WAPL: variants seen among roughly 807,000 people sequenced by gnomAD.
WAPL encodes the protein WAPL cohesin release factor, also known as wings apart-like protein homolog.
Under a neutral mutation model 121.0 loss-of-function variants are expected in WAPL, and 5 were observed. That is an observed-to-expected ratio of 0.04 (90% CI 0.02 to 0.09). The LOEUF (loss-of-function observed/expected upper bound fraction) is 0.09. Ranked by LOEUF, WAPL falls within the 10% of genes least tolerant of loss-of-function variation. WAPL has a pLI of 1.00. For synonymous variants in WAPL, 480 were observed against 481.5 expected (o/e 1.00, Z 0.04); for missense variants, 999 against 1,410.8 (o/e 0.71, Z 4.68).
At chr10:86,504,955 TAA>T (rs1460480532) in intron 2 of WAPL, among the ~76,000 whole-genome samples, 2 of 152,168 alleles carry the variant, frequency 1.3e-5, no homozygotes, top group African/African-American at 4.8e-5. Context: ...ACTCATCTCT[TAA>T]AAGATACATT....
At chr10:86,461,435 T>A in intron 9 of WAPL, 148 bp from the exon 10 acceptor site, 1 of 617,786 alleles carries the variant, frequency 1.6e-6, no homozygotes, top group Non-Finnish European at 2.8e-6. Flanking sequence ...TTTATCAGAA[T>A]AGTCCACATT....
chr10:86,497,835 A>G (rs1842179211), intron 3 of WAPL, among the ~76,000 whole-genome samples: 1 of 152,240 alleles, frequency 6.6e-6, no homozygotes, highest in Non-Finnish European at 1.5e-5. Context: ...GAGATTTAAA[A>G]TGACCTAATA....
intron 4 of WAPL, among the ~76,000 whole-genome samples, chr10:86,484,250 C>T (rs894322793): frequency 4.6e-5 from 7 of 152,154 alleles, no homozygotes; most frequent in Non-Finnish European, 8.8e-5. Flanking sequence ...AATCCCAACA[C>T]TTTGGGAGGC....
chr10:86,449,827 C>T (rs1840931540), intron 15 of WAPL, among the ~76,000 whole-genome samples: 1 of 152,066 alleles, frequency 6.6e-6, no homozygotes, highest in East Asian at 1.9e-4. Context: ...ATAGAAAACA[C>T]GTTGGTGGTA....
chr10:86,498,536 T>A (rs1255084646), intron 3 of WAPL, among the ~76,000 whole-genome samples: 1 of 152,214 alleles, frequency 6.6e-6, no homozygotes, highest in East Asian at 1.9e-4. Context: ...TGACTTATAT[T>A]CTACAAGAGA....
Position 86,508,277 on chromosome 10 carries a change from G to C in WAPL, c.500-7534C>G, listed in dbSNP as rs867706255. Among the ~76,000 whole-genome samples the C allele has an allele frequency of 5.3e-5, 8 of 151,994 alleles. No individual in the cohort carries two copies. In the South Asian group the frequency reaches 1.5e-3, roughly 28 times the overall value. The stretch of plus-strand genomic sequence containing the variant: ...TAATAACCTCTTTGGTCATTTTATG[G>C]GATAAGGGAAAACACACTTTTAGCT... On this transcript the variant is annotated intron_variant, in intron 2 of 18. Transcript: ENST00000298767.
chr10:86,514,431 G>T (rs1410866306), intron 2 of WAPL, among the ~76,000 whole-genome samples: 1 of 152,050 alleles, frequency 6.6e-6, no homozygotes, highest in African/African-American at 2.4e-5. Context: ...CAAGGGAGAG[G>T]AGAAAAAAAG....
intron 9 of WAPL, among the ~76,000 whole-genome samples, chr10:86,466,432 T>C (rs1252455279): frequency 1.3e-5 from 2 of 152,016 alleles, no homozygotes; most frequent in East Asian, 3.9e-4. Flanking sequence ...TAGCCAGATA[T>C]GGTGGCATAC....
chr10:86,521,787 C>A lies in WAPL; in HGVS notation c.-445G>T, dbSNP rs920030216. 18 of 436,150 alleles carry A rather than the reference C, an allele frequency of 4.1e-5. No individual in the cohort carries two copies. The highest frequency in any genetic ancestry group is 1.8e-4 in the Admixed American group (7 of 38,500). 27.0% of individuals were successfully genotyped at this position (436,150 alleles called of 1,614,324 possible). Reference sequence around the variant, plus strand: ...TCCTTCCTCCAACAGCCGCTCGCTCCGTCACTCCGCTTCCCACAGTCCCCG... The same window carrying A: ...TCCTTCCTCCAACAGCCGCTCGCTCAGTCACTCCGCTTCCCACAGTCCCCG... On this transcript the variant is annotated 5_prime_UTR_variant, in exon 1 of 19. Coordinates refer to ENST00000298767, the MANE Select transcript of WAPL (RefSeq NM_015045.5).
At chr10:86,483,701 G>A (rs1376340745) in intron 4 of WAPL, among the ~76,000 whole-genome samples, 1 of 150,012 alleles carries the variant, frequency 6.7e-6, no homozygotes, top group Non-Finnish European at 1.5e-5. Flanking sequence ...AGATGTGGAG[G>A]TGGAAGACTG....
intron 15 of WAPL, among the ~76,000 whole-genome samples, chr10:86,447,500 T>C (rs894229944): frequency 2.0e-5 from 3 of 151,982 alleles, no homozygotes; most frequent in East Asian, 1.9e-4. Flanking sequence ...TCTGGACATA[T>C]ACAAAATGCC....
At chr10:86,495,836 C>T (rs75770000) in intron 4 of WAPL, among the ~76,000 whole-genome samples, 10,474 of 152,096 alleles carry the variant, frequency 0.069, 671 homozygotes, top group East Asian at 0.38. Flanking sequence ...GGCAAAGGGC[C>T]GGGCACGGTG....
chr10:86,514,303 A>G (rs1183970482), intron 2 of WAPL, among the ~76,000 whole-genome samples: 3 of 152,244 alleles, frequency 2.0e-5, no homozygotes, highest in African/African-American at 7.2e-5. Flanking sequence ...GTTTATAAGA[A>G]CAACTAACTT....
At position 86,479,005 on chromosome 10, in the gene WAPL, G is replaced by A. The variant is rs541604708; in HGVS notation, c.1645-5032C>T. Among the ~76,000 whole-genome samples the A allele has an allele frequency of 2.0e-3, 311 of 152,112 alleles. 2 individuals are homozygous for A. Among genetic ancestry groups the A allele is most frequent in the Admixed American group, 4.8e-3 (74 of 15,282 alleles). On this transcript the variant is annotated intron_variant, in intron 4 of 18. Transcript: ENST00000298767. The stretch of plus-strand genomic sequence containing the variant: ...CCAGCTACCCCGGGAGGCTGAGGAA[G>A]GAGAATCACTTGAGCCTTGGGAGAT...
chr10:86,500,195 C>T lies in WAPL; in HGVS notation c.1048G>A (p.Gly350Arg), dbSNP rs1842220802. The T allele has an allele frequency of 6.2e-7, 1 of 1,614,174 alleles. No individual in the cohort carries two copies. The change falls in exon 3 of 19, where the codon GGG becomes AGG. Residue 350 changes from glycine (G) to arginine (R), a missense_variant. Gly to Arg is a moderately radical substitution (Grantham distance 125). Around this residue, in one of 7 missense-constraint regions of WAPL, gnomAD observed 531 missense variants for 563.1 expected, o/e 0.94. Transcript: ENST00000298767. ...GGVSCGTSFR[G>R]TVGRTRDYTV... ...TAATCTCTAGTCCGTCCAACTGTCC[C>T]TCTAAAACTGGTCCCACAACTTACA...
intron 16 of WAPL, among the ~76,000 whole-genome samples, chr10:86,445,120 C>T (rs11202038): frequency 0.48 from 72,245 of 151,754 alleles, 17,434 homozygotes; most frequent in Non-Finnish European, 0.5. Context: ...AGGATGCCAG[C>T]ACCCTCCAAT....
intron 9 of WAPL, among the ~76,000 whole-genome samples, chr10:86,464,718 C>A (rs779595352): frequency 3.3e-5 from 5 of 152,146 alleles, no homozygotes; most frequent in African/African-American, 1.2e-4. Flanking sequence ...CGCCTGTAAT[C>A]CCAGCTATTC....
At chr10:86,496,226 C>T (rs1842146361) in intron 4 of WAPL, among the ~76,000 whole-genome samples, 1 of 152,096 alleles carries the variant, frequency 6.6e-6, no homozygotes, top group Non-Finnish European at 1.5e-5. Flanking sequence ...TAGTGAAGTG[C>T]AAATCAAACC....
At chr10:86,519,010 A>C (rs1445509901) in intron 1 of WAPL, among the ~76,000 whole-genome samples, 2 of 152,214 alleles carry the variant, frequency 1.3e-5, no homozygotes, top group Non-Finnish European at 2.9e-5. Flanking sequence ...TTCTGGGGCT[A>C]GTGAGCTCCA....
Sources: gnomAD v4.1 joint callset for allele counts (sites outside exome capture counted in the v4.1 genomes callset) on GRCh38, gnomAD v4.1.1 for gene constraint, gnomAD v4.1.1 regional missense constraint, MANE v1.5 for transcripts, NCBI Gene and HGNC (gene_info 2026-07-23, HGNC 2026-07-21) for gene names.